Variants in TIAM1 observed in about 807,000 individuals in gnomAD.
TIAM1 encodes the protein TIAM Rac1 associated GEF 1.
In TIAM1, 65 loss-of-function variants were observed where a neutral mutation model predicts 163.5. The ratio of observed to expected loss-of-function variants is 0.40; its 90% CI spans 0.33 to 0.49. TIAM1 has a LOEUF of 0.49. TIAM1 is among the 20% of genes least tolerant of loss of function. The pLI, the probability that TIAM1 is intolerant of heterozygous loss-of-function variation, is 0.77. For missense variants in TIAM1, 1,789 were observed against 2,044.7 expected (o/e 0.87, Z 2.41); for synonymous variants, 833 against 810.1 (o/e 1.03, Z -0.48).
chr21:31,316,676 A>T (rs1206468806), intron 2 of TIAM1, among the ~76,000 whole-genome samples: 1 of 152,192 alleles, frequency 6.6e-6, no homozygotes, highest in East Asian at 1.9e-4. Context: ...TCGCAACTAC[A>T]GCAAACTTCC....
chr21:31,340,674 A>C (rs2075986899), intron 1 of TIAM1, among the ~76,000 whole-genome samples: 1 of 152,092 alleles, frequency 6.6e-6, no homozygotes, highest in East Asian at 1.9e-4. Flanking sequence ...TTCCAAGTTA[A>C]ATTCTTGAGT....
chr21:31,465,607 G>A lies in TIAM1; in HGVS notation c.-421-1572C>T, dbSNP rs144305151. On this transcript the variant is annotated intron_variant, in intron 1 of 28. Transcript: ENST00000286827. ...TTTTTTTGAGACGGAGTCTCGCCCT[G>A]TTACCCAGGCTGGAGTGCAGTGGTG... 5.4e-3 allele frequency among the ~76,000 whole-genome samples: 811 copies of A among 150,138 alleles called. 5 individuals are homozygous for A. Among genetic ancestry groups the A allele is most frequent in the Non-Finnish European group, 8.6e-3 (584 of 67,656 alleles).
intron 7 of TIAM1, among the ~76,000 whole-genome samples, chr21:31,224,687 A>G (rs1224145996): frequency 6.6e-6 from 1 of 152,228 alleles, no homozygotes; most frequent in Admixed American, 6.5e-5. Flanking sequence ...TGTTCGTGTT[A>G]AAATGGTTGA....
chr21:31,288,387 G>A (rs1276970226), intron 2 of TIAM1, among the ~76,000 whole-genome samples: 1 of 152,124 alleles, frequency 6.6e-6, no homozygotes, highest in Admixed American at 6.5e-5. Context: ...AGTTCAGGTT[G>A]CCAGCAGATT....
At chr21:31,439,873 G>C (rs933169181) in intron 2 of TIAM1, among the ~76,000 whole-genome samples, 1 of 152,032 alleles carries the variant, frequency 6.6e-6, no homozygotes, top group East Asian at 1.9e-4. Context: ...GGGGTCTCTC[G>C]AAGAACCACT....
At chr21:31,290,154 T>C (rs1025867036) in intron 2 of TIAM1, among the ~76,000 whole-genome samples, 1 of 152,206 alleles carries the variant, frequency 6.6e-6, no homozygotes, top group Non-Finnish European at 1.5e-5. Flanking sequence ...CATAATTTAT[T>C]TGAACCAACA....
At chr21:31,171,870 G>C (rs765962858) in intron 15 of TIAM1, among the ~76,000 whole-genome samples, 2 of 152,172 alleles carry the variant, frequency 1.3e-5, no homozygotes, top group Non-Finnish European at 1.5e-5. Flanking sequence ...ACCCCAAGGA[G>C]AGGAGGCCCA....
intron 12 of TIAM1, among the ~76,000 whole-genome samples, chr21:31,198,469 A>T (rs2086002361): frequency 6.6e-6 from 1 of 152,176 alleles, no homozygotes; most frequent in Non-Finnish European, 1.5e-5. Flanking sequence ...TTTCATACTG[A>T]TACATTTACA....
At chr21:31,134,702 G>A (rs1601219573) in intron 23 of TIAM1, among the ~76,000 whole-genome samples, 1 of 152,136 alleles carries the variant, frequency 6.6e-6, no homozygotes, top group South Asian at 2.1e-4. Context: ...GTAAGGACGG[G>A]GTTTCACCAT....
chr21:31,528,972 A>G (rs2047881579), intron 1 of TIAM1, among the ~76,000 whole-genome samples: 1 of 142,530 alleles, frequency 7.0e-6, no homozygotes, highest in Non-Finnish European at 1.5e-5. Context: ...CCCAGGCTGG[A>G]GTGCAGTGGC....
intron 2 of TIAM1, among the ~76,000 whole-genome samples, chr21:31,324,114 TA>T (rs1404962246): frequency 6.6e-6 from 1 of 152,104 alleles, no homozygotes; most frequent in Non-Finnish European, 1.5e-5. Context: ...AATGATACTG[TA>T]ATGGTGGGTA....
intron 11 of TIAM1, among the ~76,000 whole-genome samples, chr21:31,205,751 A>G (rs114156761): frequency 1.3e-5 from 2 of 152,308 alleles, no homozygotes; most frequent in Admixed American, 6.5e-5. Context: ...TAGTTGCTTA[A>G]GCCCAGGAGT....
intron 10 of TIAM1, among the ~76,000 whole-genome samples, chr21:31,210,760 AAG>A (rs369911651): frequency 5.4e-4 from 63 of 115,832 alleles, no homozygotes; most frequent in Middle Eastern, 4.3e-3. Context: ...GAAAGAAAGA[AAG>A]AAAGAAAGAA....
intron 4 of TIAM1, among the ~76,000 whole-genome samples, chr21:31,252,629 A>G (rs911393505): frequency 1.3e-5 from 2 of 152,290 alleles, no homozygotes; most frequent in Middle Eastern, 3.4e-3. Context: ...GGGGGTGACA[A>G]TGAATAACTA....
At chr21:31,287,886 G>A (rs1449879697) in intron 2 of TIAM1, among the ~76,000 whole-genome samples, 1 of 152,120 alleles carries the variant, frequency 6.6e-6, no homozygotes, top group Non-Finnish European at 1.5e-5. Context: ...AGAAGGGAAA[G>A]ACTTATTGCA....
At chr21:31,126,573 T>A (rs531463905) in intron 26 of TIAM1, among the ~76,000 whole-genome samples, 2 of 151,496 alleles carry the variant, frequency 1.3e-5, no homozygotes, top group Non-Finnish European at 2.9e-5. Context: ...TTTCAATAAA[T>A]AAATAAATAA....
At chr21:31,455,451 C>T (rs112529356) in intron 2 of TIAM1, among the ~76,000 whole-genome samples, 2,348 of 149,968 alleles carry the variant, frequency 0.016, 58 homozygotes, top group African/African-American at 0.055. Flanking sequence ...TCACTCTTGT[C>T]GCCCACACTG....
At chr21:31,558,734 A>C (rs1383914895) in intron 1 of TIAM1, among the ~76,000 whole-genome samples, 1 of 151,852 alleles carries the variant, frequency 6.6e-6, no homozygotes, top group Non-Finnish European at 1.5e-5. Flanking sequence ...CCCACCTCCC[A>C]AGTGTGTGAA....
intron 2 of TIAM1, among the ~76,000 whole-genome samples, chr21:31,412,544 G>A (rs2147242958): frequency 6.6e-6 from 1 of 152,168 alleles, no homozygotes; most frequent in Admixed American, 6.5e-5. Flanking sequence ...CACTTTGGGA[G>A]GCTGAGGCAG....
Sources: gnomAD v4.1 joint callset for allele counts (sites outside exome capture counted in the v4.1 genomes callset) on GRCh38, gnomAD v4.1.1 for gene constraint, MANE v1.5 for transcripts, NCBI Gene and HGNC (gene_info 2026-07-23, HGNC 2026-07-21) for gene names.